SMG1: variants seen among roughly 807,000 people sequenced by gnomAD.
SMG1 encodes the protein serine/threonine-protein kinase SMG1.
A neutral mutation model predicts 419.9 loss-of-function variants in SMG1; 22 were observed. The ratio of observed to expected loss-of-function variants is 0.05; its 90% CI spans 0.04 to 0.07. The LOEUF (loss-of-function observed/expected upper bound fraction) is 0.07, where lower values mean the gene tolerates loss of function less well. SMG1 is among the 10% of genes least tolerant of loss of function. SMG1 has a pLI of 1.00. For missense variants in SMG1, 3,185 were observed against 4,342.0 expected (o/e 0.73, Z 7.49); for synonymous variants, 1,538 against 1,553.5 (o/e 0.99, Z 0.23).
intron 44 of SMG1, 31 bp downstream of exon 44, chr16:18,838,326 A>G (rs1567343937): frequency 6.2e-7 from 1 of 1,605,178 alleles, no homozygotes; most frequent in South Asian, 1.1e-5. Flanking sequence ...TTTAACAAAT[A>G]CACTAAAAGG....
At chr16:18,850,922 T>G (rs1456028527) in intron 33 of SMG1, among the ~76,000 whole-genome samples, 2 of 152,300 alleles carry the variant, frequency 1.3e-5, no homozygotes, top group East Asian at 3.9e-4. Flanking sequence ...CCCTGCTGTT[T>G]TTTTGTGTTT....
At position 18,926,144 on chromosome 16, in the gene SMG1, G is replaced by A. The variant is rs1427003377; in HGVS notation, c.-103C>T. 1.0e-5 allele frequency: 11 copies of A among 1,056,282 alleles called. No homozygotes were observed. The highest frequency in any genetic ancestry group is 1.6e-5 in the South Asian group (1 of 61,806). 65.4% of individuals were successfully genotyped at this position (1,056,282 alleles called of 1,614,324 possible). A position where few individuals can be genotyped will look rare whatever the true frequency, so the allele number is the denominator to read the frequency against. ...CACCCCGCTCCGGCCCGGGGCTGAG[G>A]AGGAAGCCGAGAAGGAGGAGGAGGA... is the stretch of plus-strand genomic sequence containing the variant. On this transcript the variant is annotated 5_prime_UTR_variant, in exon 1 of 63. Coordinates refer to ENST00000446231, the MANE Select transcript of SMG1 (RefSeq NM_015092.5).
At chr16:18,907,845 CAAAAAA>C (rs71141092) in intron 1 of SMG1, among the ~76,000 whole-genome samples, 5 of 54,972 alleles carry the variant, frequency 9.1e-5, no homozygotes, top group Admixed American at 2.8e-4. Flanking sequence ...GAACGAGACT[CAAAAAA>C]AAAAAAAAAA....
intron 1 of SMG1, among the ~76,000 whole-genome samples, chr16:18,918,864 C>T (rs866829350): frequency 5.9e-5 from 9 of 151,796 alleles, no homozygotes; most frequent in African/African-American, 1.9e-4. Context: ...TGCCACTGCA[C>T]TCCAGCCTAA....
chr16:18,866,431 G>C (rs1230077831), intron 23 of SMG1, 190 bp downstream of exon 23: 2 of 616,140 alleles, frequency 3.2e-6, no homozygotes, highest in Non-Finnish European at 5.7e-6. Context: ...TCTTCAGTAA[G>C]AAAGGCACTC....
intron 1 of SMG1, among the ~76,000 whole-genome samples, chr16:18,899,496 T>C (rs2037264526): frequency 6.6e-6 from 1 of 152,198 alleles, no homozygotes; most frequent in African/African-American, 2.4e-5. Context: ...TTGTAAGCAT[T>C]CTGAACCTAA....
intron 30 of SMG1, 100 bp downstream of exon 30, chr16:18,854,556 T>C: frequency 2.7e-6 from 3 of 1,124,280 alleles, no homozygotes; most frequent in African/African-American, 3.2e-5. Context: ...CTGGAAATGA[T>C]CAACTTTGCT....
intron 1 of SMG1, among the ~76,000 whole-genome samples, chr16:18,915,744 G>T (rs2037945958): frequency 1.3e-5 from 2 of 152,014 alleles, no homozygotes; most frequent in South Asian, 2.1e-4. Context: ...GGTTACACAG[G>T]TGTATAGATT....
At position 18,817,416 on chromosome 16, in the gene SMG1, C is replaced by T. The variant is rs1260686982; in HGVS notation, c.9949G>A (p.Ala3317Thr). 6.2e-7 allele frequency: 1 copy of T among 1,600,844 alleles called. No individual in the cohort carries two copies. Among genetic ancestry groups the T allele is most frequent in the Non-Finnish European group, 8.5e-7 (1 of 1,172,990 alleles). Residue 3317 changes from alanine to threonine, a missense_variant, in exon 57 of 63, where the codon GCA (alanine) becomes ACA (threonine). By Grantham distance (58) the Ala-to-Thr change is moderately conservative. This residue lies in a region of SMG1 where 737 missense variants were observed against 846.6 expected (regional missense o/e 0.87). Coordinates refer to ENST00000446231, the MANE Select transcript of SMG1 (RefSeq NM_015092.5). ...IHFESLRTRT[A>T]EALNLDAALF... is the part of the protein sequence containing the mutation. The stretch of plus-strand genomic sequence containing the variant: ...GCCGCATCCAGGTTTAAGGCTTCTG[C>T]AGTTCTTGTTCGTAAACTTTCAAAA...
rs764798421 is a variant in SMG1 at position 18,842,230 on chromosome 16, C to A, written c.6444G>T (p.Lys2148Asn). The change falls in exon 40 of 63, where the codon AAG (lysine) becomes AAT (asparagine). Residue 2148 changes from lysine to asparagine, a missense_variant. By Grantham distance (94) the Lys-to-Asn change is moderately conservative (BLOSUM62 0). Around this residue, in one of 27 missense-constraint regions of SMG1, gnomAD observed 159 missense variants for 196.0 expected, o/e 0.81. Coordinates refer to ENST00000446231, the MANE Select transcript of SMG1 (RefSeq NM_015092.5). ...KKLLFLGSDG[K>N]SYPYLFKGLE... ...TACCTTTGAAAAGATAAGGATAGCT[C>A]TTCCCATCTGATCCAAGAAAGAGAA... is the stretch of plus-strand genomic sequence containing the variant. The A allele has an allele frequency of 1.2e-6, 2 of 1,613,818 alleles. No homozygotes were observed. The highest frequency in any genetic ancestry group is 1.7e-6 in the Non-Finnish European group (2 of 1,179,806).
chr16:18,865,566 A>C (rs1241605906), intron 23 of SMG1, among the ~76,000 whole-genome samples: 4 of 152,204 alleles, frequency 2.6e-5, no homozygotes, highest in Admixed American at 6.5e-5. Context: ...TATCAGAAAC[A>C]ACCTTAATGC....
rs1175309305 is a variant in SMG1 at position 18,890,876 on chromosome 16, C to T, written c.595G>A (p.Val199Met). 5 of 1,578,302 alleles carry T rather than the reference C, an allele frequency of 3.2e-6. No individual in the cohort carries two copies. The highest frequency in any genetic ancestry group is 2.2e-5 in the South Asian group (2 of 90,140). ...LDNILAAVHDVLNESSKLLQE... is the reference protein window; with the variant it reads ...LDNILAAVHDMLNESSKLLQE... ...TTAGTTACTTACCTTTCATTAAGCA[C>T]GTCATGTACAGCAGCCAAGATATTA... is the stretch of plus-strand genomic sequence containing the variant. Residue 199 changes from valine (V) to methionine (M), a missense_variant, in exon 5 of 63, where the codon GTG becomes ATG. Coordinates refer to ENST00000446231, the MANE Select transcript of SMG1 (RefSeq NM_015092.5).
chr16:18,867,700 C>T (rs200607168), intron 22 of SMG1, among the ~76,000 whole-genome samples: 5,422 of 88,658 alleles, frequency 0.061, 364 homozygotes, highest in Middle Eastern at 0.13. Context: ...ATTTTAACTT[C>T]TTTTTTTTTT....
At chr16:18,847,360 C>T (rs992516244) in intron 38 of SMG1, 93 bp downstream of exon 38, 1 of 1,364,952 alleles carries the variant, frequency 7.3e-7, no homozygotes, top group Non-Finnish European at 1.0e-6. Context: ...CTGAATTGTA[C>T]ACTTAAAAAT....
rs2031045145 is a variant in SMG1 at position 18,808,356 on chromosome 16, A to T, written c.*1213T>A. 6.6e-6 allele frequency: 1 copy of T among 152,236 alleles called. No individual in the cohort carries two copies. The highest frequency in any genetic ancestry group is 1.9e-4 in the East Asian group (1 of 5,196). 9.4% of individuals were successfully genotyped at this position (152,236 alleles called of 1,614,324 possible). A position where few individuals can be genotyped will look rare whatever the true frequency, so the allele number is the denominator to read the frequency against. ...ATGTACATGTCCTAAAATGCCAAGT[A>T]AATTAAACAACTTTTAATTTACTAA... is the stretch of plus-strand genomic sequence containing the variant. On this transcript the variant is annotated 3_prime_UTR_variant, in exon 63 of 63. Transcript: ENST00000446231.
At chr16:18,867,781 T>A (rs1190707163) in intron 22 of SMG1, among the ~76,000 whole-genome samples, 2 of 147,532 alleles carry the variant, frequency 1.4e-5, no homozygotes, top group Non-Finnish European at 3.0e-5. Context: ...CGATCTCGGT[T>A]CACTGCAAGC....
At chr16:18,921,594 CCAAAACCGCAA>C (rs976867691) in intron 1 of SMG1, among the ~76,000 whole-genome samples, 23 of 151,960 alleles carry the variant, frequency 1.5e-4, no homozygotes, top group African/African-American at 5.3e-4. Context: ...GCGGTTTTTG[CCAAAACCGCAA>C]TTACTTTTGC....
chr16:18,884,571 T>C (rs1380816925), intron 8 of SMG1, among the ~76,000 whole-genome samples: 1 of 152,168 alleles, frequency 6.6e-6, no homozygotes, highest in Non-Finnish European at 1.5e-5. Context: ...CACCTGAATA[T>C]CCTATTTTCA....
At position 18,887,516 on chromosome 16, in the gene SMG1, C is replaced by CTTTGTTTTTTTTTTTTTT. The variant is rs749197007; in HGVS notation, c.823-1851_823-1850insAAAAAAAAAAAAAACAAA. ...ACCACGCCCGACTTATTTTTTTTTC[C>CTTTGTTTTTTTTTTTTTT]TTTTTTTTTTTTTTTTTAATAGAAA... On this transcript the variant is annotated intron_variant, in intron 6 of 62. Coordinates refer to ENST00000446231, the MANE Select transcript of SMG1 (RefSeq NM_015092.5). Among the ~76,000 whole-genome samples, 527 of 110,100 alleles carry CTTTGTTTTTTTTTTTTTT rather than the reference C, an allele frequency of 4.8e-3. 33 individuals are homozygous for CTTTGTTTTTTTTTTTTTT. Among genetic ancestry groups the CTTTGTTTTTTTTTTTTTT allele is most frequent in the Non-Finnish European group, 6.7e-3 (369 of 54,756 alleles). The allele number at this position is 110,100 out of a possible 152,430, so 72.2% of individuals were successfully genotyped here.
Sources: gnomAD v4.1 joint callset for allele counts (sites outside exome capture counted in the v4.1 genomes callset) on GRCh38, gnomAD v4.1.1 for gene constraint, gnomAD v4.1.1 regional missense constraint, MANE v1.5 for transcripts, NCBI Gene and HGNC (gene_info 2026-07-23, HGNC 2026-07-21) for gene names.